The following HLA-DPB1 variants were observed in gnomAD, a reference collection of about 807,000 sequenced individuals.
The protein encoded by HLA-DPB1 is HLA class II histocompatibility antigen, DP beta 1 chain.
In HLA-DPB1, 30 loss-of-function variants were observed where a neutral mutation model predicts 29.4. That is an observed-to-expected ratio of 1.02 (90% confidence interval 0.76 to 1.38). The LOEUF (loss-of-function observed/expected upper bound fraction) is 1.38, where lower values mean the gene tolerates loss of function less well. HLA-DPB1 is among the 40% of genes most tolerant of loss of function. HLA-DPB1 has a pLI of 0.00. For synonymous variants in HLA-DPB1, 114 were observed against 134.0 expected (o/e 0.85, Z 1.03); for missense variants, 261 against 327.5 (o/e 0.80, Z 1.57).
chr6:33,085,369 G>A, intron 3 of HLA-DPB1, 138 bp downstream of exon 3: 1 of 771,882 alleles, frequency 1.3e-6, no homozygotes, highest in South Asian at 1.9e-5. Context: ...ACCAGCTCCT[G>A]AGCATAGTTT....
rs3097674 is a variant in HLA-DPB1 at position 33,082,906 on chromosome 6, A to C, written c.364+1971A>C. 4.0e-3 allele frequency among the ~76,000 whole-genome samples: 614 copies of C among 152,116 alleles called. 4 individuals carry two copies. Among genetic ancestry groups the C allele is most frequent in the Non-Finnish European group, 5.8e-3 (395 of 67,982 alleles). ...TTAACTCCAGCGCACCCTGGAGGTC[A>C]CTGATGTGGCTCCAGGCTGACCTGC... On this transcript the variant is annotated intron_variant, in intron 2 of 5. Transcript: ENST00000418931.
chr6:33,076,250 T>A, intron 1 of HLA-DPB1, 109 bp downstream of exon 1: 1 of 710,086 alleles, frequency 1.4e-6, no homozygotes, highest in Non-Finnish European at 2.4e-6. Context: ...GCTCCTGCCC[T>A]AAGGCAGTGT....
In HLA-DPB1 at chr6:33,085,120, G is replaced by A; in HGVS notation, c.535G>A (p.Asp179Asn). ...VVSTNLIRNG[D>N]WTFQILVMLE... The stretch of plus-strand genomic sequence containing the variant: ...GTCCACCAACCTGATCCGTAATGGA[G>A]ACTGGACCTTCCAGATCCTGGTGAT... Residue 179 changes from aspartate to asparagine, a missense_variant, in exon 3 of 6, where the codon GAC becomes AAC. By Grantham distance (23) the Asp-to-Asn change is conservative (BLOSUM62 1). Transcript: ENST00000418931. 6.2e-7 allele frequency: 1 copy of A among 1,613,984 alleles called. No individual in the cohort carries two copies. The highest frequency in any genetic ancestry group is 8.5e-7 in the Non-Finnish European group (1 of 1,180,006).
At position 33,085,872 on chromosome 6, in the gene HLA-DPB1, A is replaced by G; in HGVS notation, c.740A>G (p.His247Arg). Residue 247 changes from histidine to arginine, a missense_variant, in exon 4 of 6, where the codon CAC (histidine) becomes CGC (arginine). Transcript: ENST00000418931. ...LIICGVGIFMHRRSKKVQRGS... is the reference protein window; with the variant it reads ...LIICGVGIFMRRRSKKVQRGS... ...ATCTGTGGAGTGGGCATCTTCATGC[A>G]CAGGAGGAGCAAGAAAGGTGAGAAA... 6.2e-7 allele frequency: 1 copy of G among 1,612,120 alleles called. No individual in the cohort carries two copies. The highest frequency in any genetic ancestry group is 8.5e-7 in the Non-Finnish European group (1 of 1,178,458).
Position 33,080,826 on chromosome 6 carries a change from G to A in HLA-DPB1, c.255G>A (p.Ala85=), listed in dbSNP as rs80330773. The A allele has an allele frequency of 1.9e-6, 3 of 1,592,884 alleles. No homozygotes were observed. The highest frequency in any genetic ancestry group is 1.7e-5 in the Admixed American group (1 of 59,474). Residue 85 remains alanine, a synonymous_variant, in exon 2 of 6, where the codon GCG becomes GCA. Coordinates refer to ENST00000418931, the MANE Select transcript of HLA-DPB1 (RefSeq NM_002121.6). This position sits in a 1 kb window ranked among gnomAD's most constrained non-coding sequence, Gnocchi z 4.3. ...TGACGGAGCTGGGGCGGCCTGCTGC[G>A]GAGTACTGGAACAGCCAGAAGGACA... is the stretch of plus-strand genomic sequence containing the variant. ...RAVTELGRPA[A]EYWNSQKDIL...
rs778412325 is a variant in HLA-DPB1, at chr6:33,080,786, G to T, written c.215G>T (p.Gly72Val). The change falls in exon 2 of 6, where the codon GGG (glycine) becomes GTG (valine). Residue 72 changes from glycine to valine, a missense_variant. Coordinates refer to ENST00000418931, the MANE Select transcript of HLA-DPB1 (RefSeq NM_002121.6). This position sits in a 1 kb window ranked among gnomAD's most constrained non-coding sequence, Gnocchi z 4.3. ...TTCGCGCGCTTCGACAGCGACGTGGGGGAGTTCCGGGCGGTGACGGAGCTG... is the reference window on the plus strand; with the variant it reads ...TTCGCGCGCTTCGACAGCGACGTGGTGGAGTTCCGGGCGGTGACGGAGCTG... ...EEFARFDSDV[G>V]EFRAVTELGR... The T allele has an allele frequency of 6.2e-7, 1 of 1,613,658 alleles. No homozygotes were observed. The highest frequency in any genetic ancestry group is 8.5e-7 in the Non-Finnish European group (1 of 1,179,844).
intron 2 of HLA-DPB1, among the ~76,000 whole-genome samples, chr6:33,082,473 A>C (rs979872680): frequency 1.3e-5 from 2 of 152,104 alleles, no homozygotes; most frequent in Admixed American, 6.5e-5. Flanking sequence ...TCTGCTTGTA[A>C]TCAGCTCCCT....
chr6:33,077,308 C>T (rs533372798), intron 1 of HLA-DPB1, among the ~76,000 whole-genome samples: 48 of 152,148 alleles, frequency 3.2e-4, no homozygotes, highest in African/African-American at 1.1e-3. Context: ...TTTCTTAATC[C>T]AGTCTATCAC....
In HLA-DPB1 at chr6:33,076,051, C is replaced by T; in HGVS notation, c.10C>T (p.Leu4=). The T allele has an allele frequency of 6.2e-7, 1 of 1,611,864 alleles. No homozygotes were observed. Among genetic ancestry groups the T allele is most frequent in the Non-Finnish European group, 8.5e-7 (1 of 1,179,494 alleles). ...ATCCTTTTCCAGCTCCATGATGGTT[C>T]TGCAGGTTTCTGCGGCCCCCCGGAC... MMV[L]QVSAAPRTVA... Residue 4 remains leucine (L), a synonymous_variant, in exon 1 of 6, where the codon CTG becomes TTG. Coordinates refer to ENST00000418931, the MANE Select transcript of HLA-DPB1 (RefSeq NM_002121.6).
In HLA-DPB1 at chr6:33,085,233, T is replaced by C. The variant is rs766369841; in HGVS notation, c.646+2T>C. 6 of 1,600,568 alleles carry C rather than the reference T, an allele frequency of 3.7e-6. No homozygotes were observed. The highest frequency in any genetic ancestry group is 1.7e-5 in the Admixed American group (1 of 59,620). On this transcript the variant is annotated splice_donor_variant, in intron 3 of 5. Coordinates refer to ENST00000418931, the MANE Select transcript of HLA-DPB1 (RefSeq NM_002121.6). LOFTEE classifies it high-confidence loss of function. Reference sequence around the variant, plus strand: ...ATAGTCCTGTCACCGTGGAGTGGAGTGAGTCTCTGATGACCCTCTAGACCC... The same window carrying C: ...ATAGTCCTGTCACCGTGGAGTGGAGCGAGTCTCTGATGACCCTCTAGACCC...
In HLA-DPB1 at chr6:33,085,779, A is replaced by G; in HGVS notation, c.647A>G (p.Lys216Arg). 2 of 1,611,662 alleles carry G rather than the reference A, an allele frequency of 1.2e-6. No individual in the cohort carries two copies. The highest frequency in any genetic ancestry group is 1.7e-6 in the Non-Finnish European group (2 of 1,177,818). ...SLDSPVTVEW[K>R]AQSDSARSKT... ...CTAAACCTGGGTCTGTCCTTCCCAG[A>G]GGCACAGTCTGATTCTGCCCGGAGT... The change falls in exon 4 of 6, where the codon AAG becomes AGG. Residue 216 changes from lysine to arginine, a missense_variant and splice_region_variant. By Grantham distance (26) the Lys-to-Arg change is conservative. Coordinates refer to ENST00000418931, the MANE Select transcript of HLA-DPB1 (RefSeq NM_002121.6).
chr6:33,085,981 A>C lies in HLA-DPB1; in HGVS notation c.757+92A>C, dbSNP rs544060454. On this transcript the variant is annotated intron_variant, in intron 4 of 5. Transcript: ENST00000418931. ...AGGGGTTTGACAGAAAAGAAATGTCAGAAAGCTCTAGAGGCCACTGATATC... is the reference window on the plus strand; with the variant it reads ...AGGGGTTTGACAGAAAAGAAATGTCCGAAAGCTCTAGAGGCCACTGATATC... 324 of 883,810 alleles carry C rather than the reference A, an allele frequency of 3.7e-4. No homozygotes were observed. In the African/African-American group the frequency reaches 5.2e-3, roughly 14 times the overall value. The allele number at this position is 883,810 out of a possible 1,614,324, so 54.7% of individuals were successfully genotyped here.
chr6:33,083,199 A>G (rs1430494907), intron 2 of HLA-DPB1, among the ~76,000 whole-genome samples: 1 of 152,244 alleles, frequency 6.6e-6, no homozygotes, highest in Non-Finnish European at 1.5e-5. Flanking sequence ...TCTGAAAACA[A>G]GGCAAAAATA....
Position 33,087,618 on chromosome 6 carries a change from T to C in HLA-DPB1, c.*1084T>C, listed in dbSNP as rs551656344. Among the ~76,000 whole-genome samples the C allele has an allele frequency of 6.6e-6, 1 of 152,326 alleles. No homozygotes were observed. The highest frequency in any genetic ancestry group is 1.9e-4 in the East Asian group (1 of 5,184). On this transcript the variant is annotated 3_prime_UTR_variant, in exon 6 of 6. Coordinates refer to ENST00000418931, the MANE Select transcript of HLA-DPB1 (RefSeq NM_002121.6). ...TCTCCCTGGCTTCTTACAAGCATCT[T>C]CTGGGCCTTGTGTGTCCCTGGGCAC...
chr6:33,089,405 G>A lies in HLA-DPB1; in HGVS notation c.*2871G>A, dbSNP rs1415887190. Among the ~76,000 whole-genome samples, 10 of 152,084 alleles carry A rather than the reference G, an allele frequency of 6.6e-5. No homozygotes were observed. Among genetic ancestry groups the A allele is most frequent in the Admixed American group, 3.9e-4 (6 of 15,268 alleles). On this transcript the variant is annotated 3_prime_UTR_variant, in exon 6 of 6. Coordinates refer to ENST00000418931, the MANE Select transcript of HLA-DPB1 (RefSeq NM_002121.6). ...TATCCAGGTTTGGCTCATGTTACACGTCCAAAGTAAGTCATGCAGGAAGCT... is the reference window on the plus strand; with the variant it reads ...TATCCAGGTTTGGCTCATGTTACACATCCAAAGTAAGTCATGCAGGAAGCT...
chr6:33,084,901 G>C (rs753229184), intron 2 of HLA-DPB1, 49 bp from the exon 3 acceptor site: 2 of 1,070,302 alleles, frequency 1.9e-6, no homozygotes, highest in Non-Finnish European at 2.6e-6. Flanking sequence ...AGGAAGGAAA[G>C]AAGGACAATC....
chr6:33,084,199 T>A (rs9277428), intron 2 of HLA-DPB1, among the ~76,000 whole-genome samples: 57,701 of 151,902 alleles, frequency 0.38, 12,363 homozygotes, highest in East Asian at 0.64. Flanking sequence ...TAAATTTTGC[T>A]TCCTTTGTAT....
chr6:33,077,184 C>A (rs1487668749), intron 1 of HLA-DPB1, among the ~76,000 whole-genome samples: 2 of 150,818 alleles, frequency 1.3e-5, no homozygotes, highest in African/African-American at 4.9e-5. Context: ...GTTTTTTGTC[C>A]TTGCAATAGT....
At chr6:33,080,000 T>C (rs2856823) in intron 1 of HLA-DPB1, 4,021 of 219,216 alleles carry the variant, frequency 0.018, 89 homozygotes, top group African/African-American at 0.065. Flanking sequence ...TAAAATACTT[T>C]CCACATCTTT....
Sources: allele counts gnomAD v4.1 joint callset (sites outside exome capture counted in the v4.1 genomes callset), GRCh38; gene constraint gnomAD v4.1.1; non-coding constraint Gnocchi (gnomAD v3.1); transcripts MANE v1.5; gene names NCBI Gene and HGNC (gene_info 2026-07-23, HGNC 2026-07-21).